KHDC1: variants seen among roughly 807,000 people sequenced by gnomAD.
The protein encoded by KHDC1 is KH domain containing 1.
A neutral mutation model predicts 24.7 loss-of-function variants in KHDC1; 21 were observed. That is an observed-to-expected ratio of 0.85 (90% CI 0.60 to 1.23). KHDC1 has a LOEUF of 1.23. KHDC1 is among the 50% of genes most tolerant of loss of function. The probability of loss-of-function intolerance (pLI) is 0.00; values close to 1 mark genes in which losing one functional copy is unlikely to be tolerated. For synonymous variants in KHDC1, 98 were observed against 111.7 expected, an observed-to-expected ratio of 0.88 and a Z score of 0.77; for missense variants, 274 against 298.5, an observed-to-expected ratio of 0.92 and a Z score of 0.61.
chr6:73,293,921 G>T (rs181562328), intron 1 of KHDC1, among the ~76,000 whole-genome samples: 1 of 149,652 alleles, frequency 6.7e-6, no homozygotes, highest in Non-Finnish European at 1.5e-5. Flanking sequence ...CAGGAGAATC[G>T]CATGAACCCA....
At chr6:73,290,535 C>A in intron 2 of KHDC1, 3 of 435,332 alleles carry the variant, frequency 6.9e-6, no homozygotes, top group Non-Finnish European at 8.9e-6. Flanking sequence ...CTAACAAGAT[C>A]CAAAGTCCAC....
At chr6:73,245,274 T>C (rs992987570) in intron 2 of KHDC1, among the ~76,000 whole-genome samples, 2 of 152,194 alleles carry the variant, frequency 1.3e-5, no homozygotes, top group Non-Finnish European at 2.9e-5. Context: ...GAATCCTCAG[T>C]TTATGATTCC....
intron 1 of KHDC1, among the ~76,000 whole-genome samples, chr6:73,303,342 A>G (rs772984591): frequency 1.3e-5 from 2 of 152,084 alleles, no homozygotes; most frequent in Non-Finnish European, 2.9e-5. Flanking sequence ...AAGGAATGAG[A>G]GAGAGAGAGA....
At chr6:73,298,423 ATTTTTTTTTTTTTTTTT>A in intron 1 of KHDC1, among the ~76,000 whole-genome samples, 1 of 59,976 alleles carries the variant, frequency 1.7e-5, no homozygotes. Context: ...TACTTTGCAA[ATTTTTTTTTTTTTTTTT>A]TTTTTTTTTT....
intron 2 of KHDC1, among the ~76,000 whole-genome samples, chr6:73,285,777 A>G (rs1051413804): frequency 4.0e-5 from 6 of 151,264 alleles, no homozygotes; most frequent in Admixed American, 6.6e-5. Context: ...AGCATTAGGT[A>G]TATCTCCCAA....
intron 2 of KHDC1, among the ~76,000 whole-genome samples, chr6:73,258,996 A>G (rs1449700463): frequency 2.0e-5 from 3 of 152,224 alleles, no homozygotes; most frequent in African/African-American, 7.2e-5. Context: ...GAGGAATGGC[A>G]GTAATTGCAA....
intron 1 of KHDC1, among the ~76,000 whole-genome samples, chr6:73,303,445 A>G (rs1335052322): frequency 1.3e-5 from 2 of 152,340 alleles, no homozygotes; most frequent in South Asian, 4.1e-4. Context: ...CAGAAACAAG[A>G]TATTTGCATA....
chr6:73,264,090 A>G (rs1041401212), intron 2 of KHDC1, among the ~76,000 whole-genome samples: 5 of 152,064 alleles, frequency 3.3e-5, no homozygotes, highest in African/African-American at 1.2e-4. Context: ...CCCAAGCTAT[A>G]TGGGAAGCTG....
At chr6:73,245,386 C>T (rs1315361528) in intron 2 of KHDC1, among the ~76,000 whole-genome samples, 2 of 152,084 alleles carry the variant, frequency 1.3e-5, no homozygotes, top group African/African-American at 4.8e-5. Context: ...CATGCAGAGA[C>T]TAATTAGATG....
chr6:73,309,608 A>G, exon 1 of KHDC1: 1 of 1,547,220 alleles, frequency 6.5e-7, no homozygotes. Context: ...GAGCATCGCA[A>G]GGGTCTGGAG....
At chr6:73,292,297 G>T in intron 1 of KHDC1, 2 of 1,107,444 alleles carry the variant, frequency 1.8e-6, no homozygotes, top group Non-Finnish European at 2.8e-6. Flanking sequence ...ATGGTAGGAT[G>T]CTCTTTGACT....
chr6:73,267,132 T>C (rs1767088023), intron 2 of KHDC1, among the ~76,000 whole-genome samples: 1 of 152,138 alleles, frequency 6.6e-6, no homozygotes, highest in African/African-American at 2.4e-5. Flanking sequence ...ATTAGGGAAA[T>C]GCAGATCAAA....
intron 1 of KHDC1, among the ~76,000 whole-genome samples, chr6:73,302,995 T>C (rs970347361): frequency 6.6e-6 from 1 of 152,182 alleles, no homozygotes; most frequent in African/African-American, 2.4e-5. Flanking sequence ...AAGAATTGCT[T>C]GAACCCAAGA....
exon 1 of KHDC1, chr6:73,309,572 A>T: frequency 6.6e-7 from 1 of 1,523,954 alleles, no homozygotes; most frequent in African/African-American, 1.4e-5. Context: ...GCGGATCCAA[A>T]GGTGGAAAGA....
Position 73,291,839 on chromosome 6 carries a change from GCACA to G in KHDC1, c.206+155_206+158del, listed in dbSNP as rs1489453026. 4.2e-6 allele frequency: 3 copies of G among 712,272 alleles called. No individual in the cohort carries two copies. The African/African-American group carries it at 5.4e-5, about 13-fold the overall frequency. The allele number at this position is 712,272 out of a possible 1,614,324, so 44.1% of individuals were successfully genotyped here. On this transcript the variant is annotated intron_variant, in intron 2 of 4. Transcript: ENST00000370384. ...ACAATGTTTAATATTTGTGTGATGG[GCACA>G]CTGGAAGCCCAAACCTCACTATTAC...
At chr6:73,279,500 A>G (rs1433265664) in intron 2 of KHDC1, among the ~76,000 whole-genome samples, 2 of 152,116 alleles carry the variant, frequency 1.3e-5, no homozygotes, top group Non-Finnish European at 2.9e-5. Flanking sequence ...GTCTGCGAAA[A>G]TTGCATATTA....
intron 2 of KHDC1, among the ~76,000 whole-genome samples, chr6:73,244,279 G>A (rs1257992283): frequency 6.6e-6 from 1 of 152,176 alleles, no homozygotes; most frequent in Non-Finnish European, 1.5e-5. Context: ...GGGTGTATAA[G>A]TGTCATTTAC....
At chr6:73,297,326 C>G (rs905534407) in intron 1 of KHDC1, among the ~76,000 whole-genome samples, 4 of 151,862 alleles carry the variant, frequency 2.6e-5, no homozygotes, top group Admixed American at 2.0e-4. Flanking sequence ...ATTATTTTTT[C>G]TCCCACTAAA....
chr6:73,291,879 C>A, intron 2 of KHDC1: 1 of 1,083,930 alleles, frequency 9.2e-7, no homozygotes, highest in East Asian at 2.6e-5. Context: ...ACAATACATT[C>A]ATGTAACAAG....
Sources: allele counts gnomAD v4.1 joint callset (sites outside exome capture counted in the v4.1 genomes callset), GRCh38; gene constraint gnomAD v4.1.1; transcripts MANE v1.5; gene names NCBI Gene and HGNC (gene_info 2026-07-23, HGNC 2026-07-21).